Variants in METAP1 observed in about 807,000 individuals in gnomAD.
METAP1 encodes the protein methionyl aminopeptidase 1.
Under a neutral mutation model 53.8 loss-of-function variants are expected in METAP1, and 28 were observed. That is an observed-to-expected ratio of 0.52 (90% CI 0.39 to 0.71). The LOEUF is 0.71. Among genes scored for constraint, METAP1 ranks in the 30% least tolerant of loss-of-function variants. The pLI is 0.00. For synonymous variants in METAP1, 181 were observed against 165.7 expected (o/e 1.09, Z -0.71); for missense variants, 389 against 479.8 (o/e 0.81, Z 1.77).
At chr4:99,044,042 C>T (rs940464789) in intron 7 of METAP1, among the ~76,000 whole-genome samples, 2 of 152,226 alleles carry the variant, frequency 1.3e-5, no homozygotes, top group African/African-American at 4.8e-5. Context: ...AGGTGATCCT[C>T]CCACCTCAGA....
At chr4:99,012,652 GT>G (rs78437310) in intron 1 of METAP1, among the ~76,000 whole-genome samples, 3,898 of 90,322 alleles carry the variant, frequency 0.043, 73 homozygotes, top group African/African-American at 0.061. Flanking sequence ...ATCCCATAAA[GT>G]TTTTTTTTTT....
intron 9 of METAP1, among the ~76,000 whole-genome samples, chr4:99,054,198 A>C (rs1219835893): frequency 6.6e-6 from 1 of 152,100 alleles, no homozygotes; most frequent in East Asian, 1.9e-4. Flanking sequence ...CTGCATTGAA[A>C]ATCTGTTTGT....
intron 9 of METAP1, among the ~76,000 whole-genome samples, chr4:99,054,317 G>A (rs1230490138): frequency 1.3e-5 from 2 of 152,130 alleles, no homozygotes; most frequent in Non-Finnish European, 1.5e-5. Flanking sequence ...TAATGGAGAC[G>A]GATTCTTTAA....
At chr4:99,036,657 A>G (rs905990896) in intron 4 of METAP1, among the ~76,000 whole-genome samples, 37 of 151,958 alleles carry the variant, frequency 2.4e-4, no homozygotes, top group Admixed American at 2.1e-3. Context: ...TTATAAAGCC[A>G]CCTCCTTTTT....
chr4:99,062,669 G>A lies in METAP1; in HGVS notation c.*1352G>A, dbSNP rs1288573064. 4.6e-5 allele frequency: 7 copies of A among 152,620 alleles called. No homozygotes were observed. The highest frequency in any genetic ancestry group is 4.6e-4 in the Admixed American group (7 of 15,282). The allele number at this position is 152,620 out of a possible 1,614,324, so 9.5% of individuals were successfully genotyped here. On this transcript the variant is annotated 3_prime_UTR_variant, in exon 11 of 11. Transcript: ENST00000296411. ...TTTATTATTTGAATGATTTAGTAAAGTTGACTGAATCTGGTATAGACTTTG... is the reference window on the plus strand; with the variant it reads ...TTTATTATTTGAATGATTTAGTAAAATTGACTGAATCTGGTATAGACTTTG...
intron 9 of METAP1, among the ~76,000 whole-genome samples, chr4:99,053,172 A>G (rs1041007762): frequency 6.6e-6 from 1 of 152,182 alleles, no homozygotes; most frequent in African/African-American, 2.4e-5. Context: ...TGCCCAACTC[A>G]TGTTAATATT....
At chr4:98,996,741 G>C (rs1722652605) in intron 1 of METAP1, among the ~76,000 whole-genome samples, 1 of 152,196 alleles carries the variant, frequency 6.6e-6, no homozygotes. Flanking sequence ...TACTAGTGTT[G>C]CTGCTGCATT....
chr4:99,026,884 T>C, intron 1 of METAP1: 1 of 983,588 alleles, frequency 1.0e-6, no homozygotes, highest in Non-Finnish European at 1.2e-6. Flanking sequence ...GTGTTTATTA[T>C]GAATATTTTG....
chr4:99,007,638 G>A (rs1723243040), intron 1 of METAP1, among the ~76,000 whole-genome samples: 2 of 151,740 alleles, frequency 1.3e-5, no homozygotes, highest in Non-Finnish European at 2.9e-5. Context: ...TTCCTACCAA[G>A]AAGATAGAAA....
chr4:99,050,606 C>T (rs543602501), intron 9 of METAP1, among the ~76,000 whole-genome samples: 14 of 152,306 alleles, frequency 9.2e-5, no homozygotes, highest in African/African-American at 3.4e-4. Context: ...AGCTGGGCTG[C>T]ACAGCATGAG....
At chr4:98,996,186 G>A (rs924313332) in intron 1 of METAP1, among the ~76,000 whole-genome samples, 2 of 152,242 alleles carry the variant, frequency 1.3e-5, no homozygotes, top group African/African-American at 4.8e-5. Flanking sequence ...TCCCCGCGCT[G>A]GGGCGGGGGC....
intron 1 of METAP1, among the ~76,000 whole-genome samples, chr4:99,015,490 CAG>C (rs1291155653): frequency 6.6e-6 from 1 of 152,180 alleles, no homozygotes; most frequent in Non-Finnish European, 1.5e-5. Flanking sequence ...AGCTTACAAT[CAG>C]GGGAAATGCT....
chr4:99,015,384 G>A (rs1254392630), intron 1 of METAP1, among the ~76,000 whole-genome samples: 5 of 152,122 alleles, frequency 3.3e-5, no homozygotes, highest in African/African-American at 1.2e-4. Flanking sequence ...CCTCCCTATC[G>A]GATCCTTCCC....
intron 1 of METAP1, among the ~76,000 whole-genome samples, chr4:98,996,413 G>A (rs1233747141): frequency 6.6e-6 from 1 of 152,270 alleles, no homozygotes; most frequent in Non-Finnish European, 1.5e-5. Context: ...GCAGAGAGGA[G>A]GAACGCTAGC....
chr4:99,015,727 C>A (rs888815794), intron 1 of METAP1, among the ~76,000 whole-genome samples: 1 of 152,098 alleles, frequency 6.6e-6, no homozygotes, highest in South Asian at 2.1e-4. Flanking sequence ...TCTGAAGAGG[C>A]TAGTTGCCTT....
At chr4:99,029,330 A>G (rs10489131) in intron 2 of METAP1, among the ~76,000 whole-genome samples, 11,930 of 152,140 alleles carry the variant, frequency 0.078, 1,199 homozygotes, top group East Asian at 0.57. Context: ...ACTCAAAACT[A>G]TATTACTTTG....
rs192369233 is a variant in METAP1, at chr4:99,059,991, A to G, written c.998-1163A>G. On this transcript the variant is annotated intron_variant, in intron 10 of 10. Transcript: ENST00000296411. Reference sequence around the variant, plus strand: ...TATATCAGGAATTGAATGCTGTAATAAAACTGTAAACATTTACATGATTTC... The same window carrying G: ...TATATCAGGAATTGAATGCTGTAATGAAACTGTAAACATTTACATGATTTC... Among the ~76,000 whole-genome samples, 41 of 152,324 alleles carry G rather than the reference A, an allele frequency of 2.7e-4. 1 individual carries two copies. Among genetic ancestry groups the G allele is most frequent in the African/African-American group, 8.9e-4 (37 of 41,574 alleles).
chr4:99,018,201 G>C (rs1723890609), intron 1 of METAP1, among the ~76,000 whole-genome samples: 2 of 151,916 alleles, frequency 1.3e-5, no homozygotes, highest in Admixed American at 1.3e-4. Flanking sequence ...GACCTGTTCA[G>C]GTCCTATTCT....
chr4:99,048,703 T>C (rs1244894060), intron 8 of METAP1, 30 bp from the exon 9 acceptor site: 2 of 1,607,616 alleles, frequency 1.2e-6, no homozygotes, highest in Non-Finnish European at 1.7e-6. Flanking sequence ...TAGTTATTAG[T>C]TTATCATGAA....
Sources: gnomAD v4.1 joint callset for allele counts (sites outside exome capture counted in the v4.1 genomes callset) on GRCh38, gnomAD v4.1.1 for gene constraint, MANE v1.5 for transcripts, NCBI Gene and HGNC (gene_info 2026-07-23, HGNC 2026-07-21) for gene names.